RPL4: variants seen among roughly 807,000 people sequenced by gnomAD.
The protein encoded by RPL4 is large ribosomal subunit protein uL4.
Under a neutral mutation model 47.7 loss-of-function variants are expected in RPL4, and 3 were observed. The ratio of observed to expected loss-of-function variants is 0.06; its 90% CI spans 0.03 to 0.16. The LOEUF is 0.16. Among genes scored for constraint, RPL4 ranks in the 10% least tolerant of loss-of-function variants. RPL4 has a pLI of 1.00. For synonymous variants in RPL4, 208 were observed against 182.1 expected (o/e 1.14, Z -1.15); for missense variants, 413 against 551.3 (o/e 0.75, Z 2.51).
chr15:66,504,820 T>C lies in RPL4; in HGVS notation c.-30A>G, dbSNP rs375888858. The C allele has an allele frequency of 1.2e-5, 20 of 1,609,528 alleles. No homozygotes were observed. Among genetic ancestry groups the C allele is most frequent in the African/African-American group, 8.0e-5 (6 of 74,808 alleles). On this transcript the variant is annotated 5_prime_UTR_variant, in exon 1 of 10. Coordinates refer to ENST00000307961, the MANE Select transcript of RPL4 (RefSeq NM_000968.4). ...GAGAGAGGAGACAGCCACGCTCCTC[T>C]CAGCCCGGCTGCTGCCACAGGAAAA...
intron 7 of RPL4, 179 bp downstream of exon 7, chr15:66,500,767 GAAC>G (rs1331082734): frequency 1.3e-5 from 9 of 697,236 alleles, no homozygotes; most frequent in African/African-American, 3.6e-5. Flanking sequence ...GGGTGAGACA[GAAC>G]AACTCTGTCT....
At chr15:66,502,995 C>A (rs1481320763) in intron 3 of RPL4, 63 bp downstream of exon 3, 1 of 1,494,686 alleles carries the variant, frequency 6.7e-7, no homozygotes, top group Non-Finnish European at 9.3e-7. Context: ...CATCAATAAA[C>A]CAGACCCAGG....
chr15:66,501,957 G>GAAA (rs767205784), intron 4 of RPL4, 45 bp from the exon 5 acceptor site: 2 of 1,573,484 alleles, frequency 1.3e-6, no homozygotes, highest in Admixed American at 3.7e-5. Context: ...TGAAACTTTT[G>GAAA]GAGAAAAAAA....
intron 7 of RPL4, 200 bp downstream of exon 7, chr15:66,500,749 T>C (rs1893593968): frequency 3.1e-6 from 2 of 636,396 alleles, no homozygotes; most frequent in East Asian, 2.9e-5. Context: ...ACCACTACAC[T>C]CCAGCGTGGG....
intron 1 of RPL4, among the ~76,000 whole-genome samples, chr15:66,503,943 G>A (rs1264392777): frequency 9.9e-5 from 15 of 152,122 alleles, no homozygotes; most frequent in Admixed American, 9.8e-4. Flanking sequence ...AAAGACTGGT[G>A]ATATTACTTT....
At chr15:66,501,735 T>C (rs1327156630) in intron 5 of RPL4, 53 bp downstream of exon 5, 3 of 1,594,124 alleles carry the variant, frequency 1.9e-6, no homozygotes, top group South Asian at 2.3e-5. Context: ...AAATTCAAAG[T>C]GACAAACTGT....
At chr15:66,500,878 C>T in intron 7 of RPL4, 71 bp downstream of exon 7, 2 of 1,535,740 alleles carry the variant, frequency 1.3e-6, no homozygotes, top group Non-Finnish European at 1.8e-6. Flanking sequence ...ATTTAGAAAA[C>T]ATGTAAGCCA....
Position 66,502,896 on chromosome 15 carries a change from T to A in RPL4, c.283-146A>T, listed in dbSNP as rs770868402. On this transcript the variant is annotated intron_variant, in intron 3 of 9. Transcript: ENST00000307961. The stretch of plus-strand genomic sequence containing the variant: ...GCTGAGAACAGAGTAAGACGCAAAT[T>A]ACGACATCATTGCAAGCAAAATAAC... 2.2e-6 allele frequency: 3 copies of A among 1,361,138 alleles called. No homozygotes were observed. The South Asian group carries it at 3.5e-5, about 16-fold the overall frequency. The allele number at this position is 1,361,138 out of a possible 1,614,324, so 84.3% of individuals were successfully genotyped here.
At chr15:66,500,444 G>A (rs1057147227) in intron 7 of RPL4, 68 bp from the exon 8 acceptor site, 2 of 1,379,344 alleles carry the variant, frequency 1.4e-6, no homozygotes, top group African/African-American at 2.9e-5. Flanking sequence ...CTCAACTGAA[G>A]CTTTATTTTT....
chr15:66,499,880 G>A lies in RPL4; in HGVS notation c.1038+176C>T, dbSNP rs140308009. ...TCTACTGAAAATACAAAAATTAGCCGGACATGGTGGCGTGCGCCTGTAGTG... is the reference window on the plus strand; with the variant it reads ...TCTACTGAAAATACAAAAATTAGCCAGACATGGTGGCGTGCGCCTGTAGTG... On this transcript the variant is annotated intron_variant, in intron 9 of 9. Transcript: ENST00000307961. 1.2e-3 allele frequency: 1,114 copies of A among 937,926 alleles called. 5 individuals carry two copies. The highest frequency in any genetic ancestry group is 5.5e-3 in the Middle Eastern group (16 of 2,930). 58.1% of individuals were successfully genotyped at this position (937,926 alleles called of 1,614,324 possible). A position where few individuals can be genotyped will look rare whatever the true frequency, so the allele number is the denominator to read the frequency against.
intron 4 of RPL4, chr15:66,502,345 A>G: frequency 2.3e-6 from 1 of 437,586 alleles, no homozygotes; most frequent in Non-Finnish European, 4.1e-6. Context: ...TATCACTGAT[A>G]CGAAATATTT....
chr15:66,502,040 TATC>T (rs1167481624), intron 4 of RPL4, 128 bp from the exon 5 acceptor site: 7 of 1,218,404 alleles, frequency 5.7e-6, no homozygotes, highest in South Asian at 2.5e-5. Flanking sequence ...TTTCCACAAA[TATC>T]ATGTGTTTCA....
intron 3 of RPL4, 60 bp downstream of exon 3, chr15:66,502,998 G>C: frequency 6.7e-7 from 1 of 1,503,228 alleles, no homozygotes; most frequent in Non-Finnish European, 9.2e-7. Context: ...CAATAAACCA[G>C]ACCCAGGCCG....
At chr15:66,499,676 A>T (rs1460804487) in intron 9 of RPL4, 24 bp from the exon 10 acceptor site, 1 of 1,612,438 alleles carries the variant, frequency 6.2e-7, no homozygotes, top group Non-Finnish European at 8.5e-7. Flanking sequence ...GGCAGAAAAC[A>T]GTAAGAATCA....
chr15:66,502,762 G>C lies in RPL4; in HGVS notation c.283-12C>G. ...CCTCCACGACACATCTATTTTTCCA[G>C]TCAAGAATCACATTTCTCAAATTTT... On this transcript the variant is annotated splice_polypyrimidine_tract_variant and intron_variant, in intron 3 of 9. Transcript: ENST00000307961. The C allele has an allele frequency of 1.2e-6, 2 of 1,614,048 alleles. No homozygotes were observed. Among genetic ancestry groups the C allele is most frequent in the Non-Finnish European group, 1.7e-6 (2 of 1,179,960 alleles).
At chr15:66,504,673 T>G in intron 1 of RPL4, 115 bp downstream of exon 1, 1 of 1,460,690 alleles carries the variant, frequency 6.8e-7, no homozygotes, top group East Asian at 2.4e-5. Context: ...ACGCCTTTGG[T>G]CCTCATCTCC....
Position 66,501,021 on chromosome 15 carries a change from T to G in RPL4, c.761A>C (p.Glu254Ala). 2 of 1,613,990 alleles carry G rather than the reference T, an allele frequency of 1.2e-6. No homozygotes were observed. The highest frequency in any genetic ancestry group is 1.1e-5 in the South Asian group (1 of 91,078). ...GHVGRFCIWT[E>A]SAFRKLDELY... Reference sequence around the variant, plus strand: ...TTCATCTAACTTCCGGAAAGCACTTTCAGTCCAAATGCAGAAACGTCCCAC... The same window carrying G: ...TTCATCTAACTTCCGGAAAGCACTTGCAGTCCAAATGCAGAAACGTCCCAC... The change falls in exon 7 of 10, where the codon GAA becomes GCA. Residue 254 changes from glutamate to alanine, a missense_variant. Coordinates refer to ENST00000307961, the MANE Select transcript of RPL4 (RefSeq NM_000968.4).
intron 4 of RPL4, chr15:66,502,379 G>T (rs12913820): frequency 3.8e-6 from 2 of 524,658 alleles, no homozygotes; most frequent in Non-Finnish European, 3.3e-6. Flanking sequence ...TTTTAAACCG[G>T]TATGTAACAT....
Position 66,501,271 on chromosome 15 carries a change from T to A in RPL4, c.676+104A>T, listed in dbSNP as rs1297492208. On this transcript the variant is annotated intron_variant, in intron 6 of 9. Coordinates refer to ENST00000307961, the MANE Select transcript of RPL4 (RefSeq NM_000968.4). ...GCCATAAATCAGAACTTCCACAAAATCATTTGTTTCAGAAACACGGACCTT... is the reference window on the plus strand; with the variant it reads ...GCCATAAATCAGAACTTCCACAAAAACATTTGTTTCAGAAACACGGACCTT... The A allele has an allele frequency of 5.1e-6, 8 of 1,581,688 alleles. No homozygotes were observed. In the African/African-American group the frequency reaches 1.1e-4, roughly 21 times the overall value.
Sources: allele counts gnomAD v4.1 joint callset (sites outside exome capture counted in the v4.1 genomes callset), GRCh38; gene constraint gnomAD v4.1.1; transcripts MANE v1.5; gene names NCBI Gene and HGNC (gene_info 2026-07-23, HGNC 2026-07-21).